The following MUTYH variants were observed in gnomAD, a reference collection of about 807,000 sequenced individuals.
MUTYH encodes adenine DNA glycosylase.
A neutral mutation model predicts 72.9 loss-of-function variants in MUTYH; 64 were observed. That is an observed-to-expected ratio of 0.88 (90% confidence interval 0.72 to 1.08). The LOEUF (loss-of-function observed/expected upper bound fraction) is 1.08, where lower values mean the gene tolerates loss of function less well. MUTYH is among the 50% of genes least tolerant of loss of function. The pLI, the probability that MUTYH is intolerant of heterozygous loss-of-function variation, is 0.00. For synonymous variants in MUTYH, 234 were observed against 263.1 expected, an observed-to-expected ratio of 0.89 and a Z score of 1.07; for missense variants, 633 against 671.0, an observed-to-expected ratio of 0.94 and a Z score of 0.63.
At chr1:45,340,151 C>T (rs1646789551), upstream of MUTYH, 2 of 1,591,432 alleles carry the variant, frequency 1.3e-6, no homozygotes, top group African/African-American at 1.3e-5. Context: ...GGCGACCCGA[C>T]GGCGAGACCC....
chr1:45,331,706 C>T lies in MUTYH; in HGVS notation c.1057G>A (p.Gly353Arg). Residue 353 changes from glycine (G) to arginine (R), a missense_variant, in exon 12 of 16, where the codon GGG (glycine) becomes AGG (arginine). Physicochemically the swap from Gly to Arg is moderately radical, Grantham distance 125 (BLOSUM62 -2). Coordinates refer to ENST00000456914, the MANE Select transcript of MUTYH (RefSeq NM_001048174.2). ...SSATCVLEQP[G>R]ALGAQILLVQ... ...AGCAGAATTTGGGCCCCAAGGGCCC[C>T]AGGCTGTTCCAGAACACAGGTGGCA... The T allele has an allele frequency of 6.2e-7, 1 of 1,614,158 alleles. No individual in the cohort carries two copies.
At chr1:45,333,040 T>C in intron 5 of MUTYH, 57 bp downstream of exon 5, 2 of 1,612,316 alleles carry the variant, frequency 1.2e-6, no homozygotes, top group South Asian at 2.2e-5. Flanking sequence ...CACCCCAAAG[T>C]AGAGGCTCTC....
intron 15 of MUTYH, 115 bp downstream of exon 15, chr1:45,330,401 C>T (rs1644591884): frequency 8.2e-7 from 1 of 1,220,322 alleles, no homozygotes; most frequent in Non-Finnish European, 1.2e-6. Context: ...CTATTCCTCC[C>T]TCCAGTGAAG....
At chr1:45,335,740 G>A (rs979883478) in intron 1 of MUTYH, among the ~76,000 whole-genome samples, 3 of 152,032 alleles carry the variant, frequency 2.0e-5, no homozygotes, top group African/African-American at 7.3e-5. Context: ...GAACCCAGGA[G>A]GCAGAGCTTG....
intron 1 of MUTYH, chr1:45,338,676 G>C (rs989201968): frequency 8.7e-5 from 16 of 183,146 alleles, no homozygotes; most frequent in East Asian, 3.7e-4. Flanking sequence ...GAATTAATGG[G>C]ATGGGGGATA....
At position 45,329,302 on chromosome 1, in the gene MUTYH, G is replaced by C. The variant is rs758118037; in HGVS notation, c.*4C>G. 4 of 1,614,108 alleles carry C rather than the reference G, an allele frequency of 2.5e-6. No homozygotes were observed. In the African/African-American group the frequency reaches 4.0e-5, roughly 16 times the overall value. ...TTCTCAGGGAATGGGGGCTTTCAGA[G>C]GTGTCACTGGGCTGCACTGTTGAGG... On this transcript the variant is annotated 3_prime_UTR_variant, in exon 16 of 16. Transcript: ENST00000456914.
chr1:45,337,060 C>A, intron 1 of MUTYH, among the ~76,000 whole-genome samples: 1 of 152,104 alleles, frequency 6.6e-6, no homozygotes. Context: ...CTTCCACATT[C>A]ATTCTACAAT....
upstream of MUTYH, chr1:45,339,989 T>C (rs1302501876): frequency 9.1e-6 from 14 of 1,534,850 alleles, no homozygotes; most frequent in African/African-American, 6.9e-5. Flanking sequence ...CCGCGAGCTC[T>C]AGCGCGCCCG....
At position 45,334,630 on chromosome 1, in the gene MUTYH, A is replaced by C. The variant is rs1001379309; in HGVS notation, c.-6-119T>G. ...ATTCACATGGGGTCCAGCTTCTCTC[A>C]AGCACTCTCAAGATGCTCACGGGTT... On this transcript the variant is annotated intron_variant, in intron 1 of 15. Transcript: ENST00000456914. 13 of 1,407,616 alleles carry C rather than the reference A, an allele frequency of 9.2e-6. No individual in the cohort carries two copies. In the African/African-American group the frequency reaches 1.4e-4, roughly 15 times the overall value. 87.2% of individuals were successfully genotyped at this position (1,407,616 alleles called of 1,614,324 possible).
intron 1 of MUTYH, chr1:45,338,130 A>G (rs1646199945): frequency 2.0e-6 from 1 of 504,760 alleles, no homozygotes; most frequent in African/African-American, 1.9e-5. Flanking sequence ...ACTGAGTGGT[A>G]GAAGAGGTCA....
At chr1:45,338,191 A>G (rs1386422692) in intron 1 of MUTYH, 1 of 524,440 alleles carries the variant, frequency 1.9e-6, no homozygotes, top group Admixed American at 2.2e-5. Flanking sequence ...AGTACCTTAT[A>G]GGCCATTGGA....
chr1:45,334,659 T>C (rs1645612182), intron 1 of MUTYH, 148 bp from the exon 2 acceptor site: 1 of 1,255,754 alleles, frequency 8.0e-7, no homozygotes, highest in Non-Finnish European at 1.1e-6. Context: ...ACGGGTTTAC[T>C]CTTGGCTGGC....
At position 45,333,505 on chromosome 1, in the gene MUTYH, G is replaced by T; in HGVS notation, c.172C>A (p.Leu58Ile). 1 of 1,614,216 alleles carries T rather than the reference G, an allele frequency of 6.2e-7. No individual in the cohort carries two copies. The highest frequency in any genetic ancestry group is 8.5e-7 in the Non-Finnish European group (1 of 1,180,040). ...VLQASVSSYH[L>I]FRDVAEVTAF... Reference sequence around the variant, plus strand: ...GTGACTTCAGCTACGTCTCTGAATAGATGGTATGAGGAGACAGAGGCCTGC... The same window carrying T: ...GTGACTTCAGCTACGTCTCTGAATATATGGTATGAGGAGACAGAGGCCTGC... Residue 58 changes from leucine to isoleucine, a missense_variant, in exon 3 of 16, where the codon CTA (leucine) becomes ATA (isoleucine). Coordinates refer to ENST00000456914, the MANE Select transcript of MUTYH (RefSeq NM_001048174.2).
At chr1:45,339,516 G>A (rs965317882) in intron 1 of MUTYH, among the ~76,000 whole-genome samples, 6 of 151,960 alleles carry the variant, frequency 3.9e-5, no homozygotes, top group African/African-American at 1.5e-4. Flanking sequence ...GCCCGGCCTA[G>A]GAACCTCTTT....
At chr1:45,330,634 T>C (rs1239394476) in intron 14 of MUTYH, 77 bp from the exon 15 acceptor site, 9 of 1,487,412 alleles carry the variant, frequency 6.1e-6, no homozygotes, top group Non-Finnish European at 8.3e-6. Context: ...CTTAACTTCA[T>C]GTCCCAGTAC....
chr1:45,330,861 G>C (rs1395619424), intron 14 of MUTYH, among the ~76,000 whole-genome samples: 2 of 152,036 alleles, frequency 1.3e-5, no homozygotes, highest in Non-Finnish European at 2.9e-5. Context: ...GAGGCGGGCG[G>C]ATCACTTGAG....
Position 45,332,755 on chromosome 1 carries a change from C to G in MUTYH, c.492+8G>C, listed in dbSNP as rs190500741. Reference sequence around the variant, plus strand: ...TCCTGGGTTCCTACCCTCCTGCCATCCCCTTACCTTCCGAGCTCCCTCCTG... The same window carrying G: ...TCCTGGGTTCCTACCCTCCTGCCATGCCCTTACCTTCCGAGCTCCCTCCTG... On this transcript the variant is annotated splice_region_variant and intron_variant, in intron 7 of 15. Transcript: ENST00000456914. The G allele has an allele frequency of 1.1e-5, 18 of 1,614,198 alleles. No homozygotes were observed. The Admixed American group carries it at 1.8e-4, about 16-fold the overall frequency.
chr1:45,339,595 C>T (rs115629902), intron 1 of MUTYH: 301 of 342,234 alleles, frequency 8.8e-4, no homozygotes, highest in African/African-American at 5.5e-3. Flanking sequence ...TCCTCGCCAT[C>T]CATACTGCCA....
chr1:45,333,980 G>A (rs1645463564), intron 2 of MUTYH: 1 of 379,456 alleles, frequency 2.6e-6, no homozygotes, highest in African/African-American at 2.1e-5. Context: ...ATGTCACACA[G>A]CAATACAGTC....
Sources: allele counts gnomAD v4.1 joint callset (sites outside exome capture counted in the v4.1 genomes callset), GRCh38; gene constraint gnomAD v4.1.1; transcripts MANE v1.5; gene names NCBI Gene and HGNC (gene_info 2026-07-23, HGNC 2026-07-21).